BCAR1: variants seen among roughly 807,000 people sequenced by gnomAD.
BCAR1 encodes the protein BCAR1 scaffold protein, Cas family member, also known as breast cancer anti-estrogen resistance protein 1.
Under a neutral mutation model 67.6 loss-of-function variants are expected in BCAR1, and 30 were observed. That is an observed-to-expected ratio of 0.44 (90% CI 0.33 to 0.60). The LOEUF is 0.60. Ranked by LOEUF, BCAR1 falls within the 20% of genes least tolerant of loss-of-function variation. The pLI is 0.02. For synonymous variants in BCAR1, 626 were observed against 556.7 expected, an observed-to-expected ratio of 1.12 and a Z score of -1.75; for missense variants, 1,313 against 1,222.3, an observed-to-expected ratio of 1.07 and a Z score of -1.11.
rs2077066311 is a variant in BCAR1 at position 75,235,255 on chromosome 16, C to T, written c.1644G>A (p.Met548Ile). ...HAKLSRQLQK[M>I]EDVHQTLVAH... is the part of the protein sequence containing the mutation. ...CCACCAGCGTCTGGTGCACGTCCTC[C>T]ATCTTCTGCAGCTGCCGGCTAAGCT... Residue 548 changes from methionine to isoleucine, a missense_variant, in exon 5 of 7, where the codon ATG (methionine) becomes ATA (isoleucine). By Grantham distance (10) the Met-to-Ile change is conservative (BLOSUM62 1). Transcript: ENST00000162330. 1.2e-6 allele frequency: 2 copies of T among 1,606,302 alleles called. No individual in the cohort carries two copies. Among genetic ancestry groups the T allele is most frequent in the African/African-American group, 2.7e-5 (2 of 74,796 alleles).
chr16:75,264,830 G>T, intron 1 of BCAR1: 1 of 266,394 alleles, frequency 3.8e-6, no homozygotes, highest in Admixed American at 5.7e-5. Context: ...CAGGGCTCTG[G>T]AGGGAAAAGC....
upstream of BCAR1, chr16:75,251,807 C>T (rs1461327409): frequency 6.5e-6 from 3 of 461,272 alleles, no homozygotes; most frequent in Non-Finnish European, 8.5e-6. Flanking sequence ...ACCTCCAACC[C>T]CGAGGCTCCA....
chr16:75,265,639 G>A (rs1325321288), intron 1 of BCAR1, among the ~76,000 whole-genome samples: 5 of 152,020 alleles, frequency 3.3e-5, no homozygotes, highest in Admixed American at 1.3e-4. Context: ...TGGAAAGGCG[G>A]GGGCAGAGAG....
chr16:75,246,007 G>C (rs894640691), intron 1 of BCAR1: 10 of 92,618 alleles, frequency 1.1e-4, no homozygotes, highest in African/African-American at 4.4e-4. Context: ...ACTGGGTTCT[G>C]CTCTATTGCC....
At chr16:75,244,780 C>A (rs1014197090) in intron 1 of BCAR1, among the ~76,000 whole-genome samples, 6 of 152,202 alleles carry the variant, frequency 3.9e-5, no homozygotes, top group Non-Finnish European at 8.8e-5. Flanking sequence ...AAGGTGAGCA[C>A]AAGGGCAGAG....
intron 1 of BCAR1, chr16:75,250,626 C>G (rs1235617580): frequency 1.0e-6 from 1 of 985,302 alleles, no homozygotes; most frequent in Non-Finnish European, 1.2e-6. Flanking sequence ...AAGCCCCTCA[C>G]CCCGCACCCC....
At chr16:75,260,647 A>C (rs1204394296) in intron 1 of BCAR1, among the ~76,000 whole-genome samples, 1 of 152,146 alleles carries the variant, frequency 6.6e-6, no homozygotes, top group Non-Finnish European at 1.5e-5. Flanking sequence ...AAAAAAAAAA[A>C]AAACCTCATC....
At chr16:75,243,826 G>C (rs893060012) in intron 1 of BCAR1, among the ~76,000 whole-genome samples, 8 of 152,234 alleles carry the variant, frequency 5.3e-5, no homozygotes, top group African/African-American at 1.7e-4. Context: ...GGACACTAGA[G>C]CCCAGGCAGG....
At chr16:75,238,390 G>C in intron 2 of BCAR1, 1 of 1,087,904 alleles carries the variant, frequency 9.2e-7, no homozygotes, top group Non-Finnish European at 1.1e-6. Context: ...CTGGGACAGG[G>C]TTGACTCAGG....
chr16:75,256,425 A>C, upstream of BCAR1: 1 of 152,300 alleles, frequency 6.6e-6, no homozygotes, highest in East Asian at 1.9e-4. Flanking sequence ...CCCCTTTGGC[A>C]TGCCCAAGGC....
chr16:75,251,466 C>T lies in BCAR1; in HGVS notation c.12+5G>A. On this transcript the variant is annotated splice_donor_5th_base_variant and intron_variant, in intron 1 of 6. Coordinates refer to ENST00000162330, the MANE Select transcript of BCAR1 (RefSeq NM_014567.5). The stretch of plus-strand genomic sequence containing the variant: ...ACGCGGCCCGGCCCCACCTGGCGCC[C>T]TCACCAGGTGGTTCATGGTGTCCGG... The T allele has an allele frequency of 6.9e-7, 1 of 1,448,216 alleles. No individual in the cohort carries two copies. Among genetic ancestry groups the T allele is most frequent in the Non-Finnish European group, 9.1e-7 (1 of 1,099,784 alleles). 89.7% of individuals were successfully genotyped at this position (1,448,216 alleles called of 1,614,324 possible).
intron 1 of BCAR1, among the ~76,000 whole-genome samples, 154 bp from the exon 2 acceptor site, chr16:75,243,244 C>T (rs1457932232): frequency 6.6e-6 from 1 of 152,126 alleles, no homozygotes; most frequent in African/African-American, 2.4e-5. Context: ...TTTGCCTCCA[C>T]TGTCCCCACC....
At chr16:75,255,277 G>A (rs529248863), upstream of BCAR1, among the ~76,000 whole-genome samples, 7 of 152,186 alleles carry the variant, frequency 4.6e-5, no homozygotes, top group African/African-American at 9.6e-5. Flanking sequence ...GGGTGGACTC[G>A]GTTGATGGCC....
chr16:75,264,272 G>C, intron 1 of BCAR1: 4 of 1,369,444 alleles, frequency 2.9e-6, no homozygotes, highest in Non-Finnish European at 3.8e-6. Flanking sequence ...CAAATCAAAC[G>C]GGGACCTCCC....
rs764993263 is a variant in BCAR1 at position 75,242,477 on chromosome 16, G to A, written c.626C>T (p.Pro209Leu). 4.8e-5 allele frequency: 69 copies of A among 1,448,024 alleles called. No homozygotes were observed. The highest frequency in any genetic ancestry group is 8.7e-5 in the African/African-American group (6 of 69,334). The allele number at this position is 1,448,024 out of a possible 1,614,324, so 89.7% of individuals were successfully genotyped here. The change falls in exon 2 of 7, where the codon CCG becomes CTG. Residue 209 changes from proline (P) to leucine (L), a missense_variant. Pro to Leu is a moderately conservative substitution (Grantham distance 98). Around this residue, in one of 2 missense-constraint regions of BCAR1, gnomAD observed 1,272 missense variants for 1,137.5 expected, o/e 1.12. Coordinates refer to ENST00000162330, the MANE Select transcript of BCAR1 (RefSeq NM_014567.5). ...GTGCCAGGACAGCCTTACCTTTGCC[G>A]GGGGCTTCGTGCCCTCCCAGCTGCG... ...DTRSWEGTKP[P>L]AKVVVPTRVG...
intron 1 of BCAR1, chr16:75,265,684 T>A: frequency 1.0e-6 from 1 of 988,512 alleles, no homozygotes; most frequent in Non-Finnish European, 1.3e-6. Context: ...GCCGGTGCGC[T>A]CTCCCCCGGG....
chr16:75,266,744 C>T, intron 1 of BCAR1: 1 of 1,461,494 alleles, frequency 6.8e-7, no homozygotes, highest in Non-Finnish European at 9.1e-7. Context: ...GGGTCCGACC[C>T]CTCTGTTCTG....
At chr16:75,245,964 C>CTTTTTATTTTTTTTTT (rs2077506215) in intron 1 of BCAR1, 1 of 49,634 alleles carries the variant, frequency 2.0e-5, no homozygotes, top group Non-Finnish European at 3.6e-5. Flanking sequence ...TAGGATTGTT[C>CTTTTTATTTTTTTTTT]TTTTTTTTTT....
intron 2 of BCAR1, chr16:75,237,981 G>A: frequency 1.6e-6 from 2 of 1,247,950 alleles, no homozygotes; most frequent in Non-Finnish European, 1.0e-6. Context: ...TGCCGCGCCT[G>A]CCCCGGGGGA....
Sources: gnomAD v4.1 joint callset for allele counts (sites outside exome capture counted in the v4.1 genomes callset) on GRCh38, gnomAD v4.1.1 for gene constraint, gnomAD v4.1.1 regional missense constraint, MANE v1.5 for transcripts, NCBI Gene and HGNC (gene_info 2026-07-23, HGNC 2026-07-21) for gene names.